The following KIRREL3 variants were observed in gnomAD, a reference collection of about 807,000 sequenced individuals.
KIRREL3 encodes kirre like nephrin family adhesion molecule 3, also known as kin of IRRE-like protein 3.
A neutral mutation model predicts 89.7 loss-of-function variants in KIRREL3; 36 were observed. That is an observed-to-expected ratio of 0.40 (90% CI 0.31 to 0.53). The LOEUF is 0.53. Among genes scored for constraint, KIRREL3 ranks in the 20% least tolerant of loss-of-function variants. The probability of loss-of-function intolerance (pLI) is 0.49; values close to 1 mark genes in which losing one functional copy is unlikely to be tolerated. For missense variants in KIRREL3, 864 were observed against 1,056.6 expected (o/e 0.82, Z 2.53); for synonymous variants, 445 against 441.4 (o/e 1.01, Z -0.10).
intron 1 of KIRREL3, among the ~76,000 whole-genome samples, chr11:126,957,543 C>T (rs774826855): frequency 2.6e-5 from 4 of 152,192 alleles, no homozygotes; most frequent in Non-Finnish European, 5.9e-5. Context: ...AGAATAGAGC[C>T]TCTAGCACTG....
intron 1 of KIRREL3, among the ~76,000 whole-genome samples, chr11:126,585,861 C>T (rs1330379193): frequency 6.6e-6 from 1 of 152,250 alleles, no homozygotes. Flanking sequence ...CTTAAAGCTC[C>T]CGCACGGAAC....
intron 4 of KIRREL3, among the ~76,000 whole-genome samples, chr11:126,482,788 C>T (rs1957257735): frequency 6.6e-6 from 1 of 152,226 alleles, no homozygotes; most frequent in Non-Finnish European, 1.5e-5. Flanking sequence ...TCCCCTCCCT[C>T]TGGGCCCCCC....
intron 1 of KIRREL3, among the ~76,000 whole-genome samples, chr11:126,945,373 G>A (rs1259192738): frequency 6.6e-6 from 1 of 152,176 alleles, no homozygotes; most frequent in Non-Finnish European, 1.5e-5. Flanking sequence ...ACTGGGGAGT[G>A]GTTTCCTAAG....
At position 126,515,364 on chromosome 11, in the gene KIRREL3, C is replaced by T. The variant is rs1257622170; in HGVS notation, c.433+5951G>A. Reference sequence around the variant, plus strand: ...ACTCGGGAGGCTGAGGTGGGAGGATCGCTTGAGCCAGGGAGGTCGAGGCTG... The same window carrying T: ...ACTCGGGAGGCTGAGGTGGGAGGATTGCTTGAGCCAGGGAGGTCGAGGCTG... On this transcript the variant is annotated intron_variant, in intron 4 of 16. Coordinates refer to ENST00000525144, the MANE Select transcript of KIRREL3 (RefSeq NM_032531.4). The surrounding 1 kb of genome is among the most constrained non-coding windows in gnomAD (Gnocchi z 4.2). Among the ~76,000 whole-genome samples the T allele has an allele frequency of 5.3e-5, 8 of 152,170 alleles. No individual in the cohort carries two copies. Among genetic ancestry groups the T allele is most frequent in the South Asian group, 2.1e-4 (1 of 4,822 alleles).
chr11:126,726,976 C>A (rs893093640), intron 1 of KIRREL3, among the ~76,000 whole-genome samples: 2 of 152,222 alleles, frequency 1.3e-5, no homozygotes, highest in Non-Finnish European at 2.9e-5. Flanking sequence ...TTTCTCTGAG[C>A]CGCCTTACCC....
In KIRREL3 at chr11:126,812,658, A is replaced by G. The variant is rs1231359455; in HGVS notation, c.55+187797T>C. Among the ~76,000 whole-genome samples the G allele has an allele frequency of 6.6e-6, 1 of 152,170 alleles. No homozygotes were observed. The highest frequency in any genetic ancestry group is 1.9e-4 in the East Asian group (1 of 5,196). On this transcript the variant is annotated intron_variant, in intron 1 of 16. Transcript: ENST00000525144. This position sits in a 1 kb window ranked among gnomAD's most constrained non-coding sequence, Gnocchi z 5.2. ...AACTAGATTTTCTTAGTCCGCCCTG[A>G]CTTTGGGCCTTTGTCCATACAGCAC...
chr11:126,915,064 G>C (rs1946983434), intron 1 of KIRREL3, among the ~76,000 whole-genome samples: 2 of 152,092 alleles, frequency 1.3e-5, no homozygotes, highest in Non-Finnish European at 1.5e-5. Context: ...AGAAGAGACT[G>C]TTATGAAAAA....
At position 126,999,249 on chromosome 11, in the gene KIRREL3, G is replaced by A. The variant is rs1269505319; in HGVS notation, c.55+1206C>T. ...AGGAGCCCCTTCGGTTTCATCAGGA[G>A]GACCAGAAGCAAAGTTTGAACTGCA... is the stretch of plus-strand genomic sequence containing the variant. On this transcript the variant is annotated intron_variant, in intron 1 of 16. Coordinates refer to ENST00000525144, the MANE Select transcript of KIRREL3 (RefSeq NM_032531.4). The surrounding 1 kb of genome is among the most constrained non-coding windows in gnomAD (Gnocchi z 5.7). 2.0e-5 allele frequency among the ~76,000 whole-genome samples: 3 copies of A among 152,088 alleles called. No individual in the cohort carries two copies. The highest frequency in any genetic ancestry group is 4.4e-5 in the Non-Finnish European group (3 of 68,012).
intron 1 of KIRREL3, chr11:126,992,625 G>A (rs1224296859): frequency 1.3e-5 from 2 of 152,186 alleles, no homozygotes; most frequent in Admixed American, 6.5e-5. Flanking sequence ...GAGTAGAATT[G>A]TTTCACTTGT....
intron 1 of KIRREL3, among the ~76,000 whole-genome samples, chr11:126,868,017 A>G (rs1944978673): frequency 1.6e-5 from 2 of 127,328 alleles, no homozygotes; most frequent in Admixed American, 1.0e-4. Flanking sequence ...CTCTCTTCCC[A>G]TTATGGAAAT....
intron 1 of KIRREL3, among the ~76,000 whole-genome samples, chr11:126,869,942 A>G (rs1945051510): frequency 1.3e-5 from 2 of 152,190 alleles, no homozygotes; most frequent in African/African-American, 2.4e-5. Context: ...GAACCTTGTA[A>G]TGGGTTCATT....
In KIRREL3 at chr11:126,681,054, G is replaced by A. The variant is rs113882038; in HGVS notation, c.56-118142C>T. On this transcript the variant is annotated intron_variant, in intron 1 of 16. Transcript: ENST00000525144. ...GTGTGCATTTTGGTAACTAACCTCC[G>A]TCATGATGTATGAGAGTTCATGTCA... 4.6e-5 allele frequency among the ~76,000 whole-genome samples: 7 copies of A among 152,248 alleles called. 1 individual carries two copies. The highest frequency in any genetic ancestry group is 2.0e-4 in the Admixed American group (3 of 15,294).
chr11:126,845,096 G>A (rs1217233146), intron 1 of KIRREL3, among the ~76,000 whole-genome samples: 1 of 152,200 alleles, frequency 6.6e-6, no homozygotes, highest in African/African-American at 2.4e-5. Flanking sequence ...GGGCCCAACT[G>A]GGGGCAAGTT....
intron 1 of KIRREL3, among the ~76,000 whole-genome samples, chr11:126,842,512 C>A (rs928439190): frequency 6.6e-6 from 1 of 152,194 alleles, no homozygotes; most frequent in Non-Finnish European, 1.5e-5. Context: ...GGTTCATCCT[C>A]TTCTTTTTCA....
At chr11:126,713,924 T>A (rs1315539363) in intron 1 of KIRREL3, among the ~76,000 whole-genome samples, 1 of 152,164 alleles carries the variant, frequency 6.6e-6, no homozygotes, top group African/African-American at 2.4e-5. Flanking sequence ...TCTGGCTAGA[T>A]AGGGCAGGTC....
In KIRREL3 at chr11:126,653,556, G is replaced by T. The variant is rs1027436692; in HGVS notation, c.56-90644C>A. 1.3e-5 allele frequency among the ~76,000 whole-genome samples: 2 copies of T among 152,182 alleles called. No individual in the cohort carries two copies. The highest frequency in any genetic ancestry group is 4.8e-5 in the African/African-American group (2 of 41,442). On this transcript the variant is annotated intron_variant, in intron 1 of 16. Coordinates refer to ENST00000525144, the MANE Select transcript of KIRREL3 (RefSeq NM_032531.4). This position sits in a 1 kb window ranked among gnomAD's most constrained non-coding sequence, Gnocchi z 5.4. ...ACACCAGATACGGAATGAGAAAAAA[G>T]CGGCACCGGAAGTGGCATTTTGCAA...
chr11:126,518,963 G>C (rs1399985783), intron 4 of KIRREL3, among the ~76,000 whole-genome samples: 1 of 152,240 alleles, frequency 6.6e-6, no homozygotes, highest in Non-Finnish European at 1.5e-5. Flanking sequence ...CAGGATGAAT[G>C]GTTTTGGTGG....
chr11:126,763,062 C>A lies in KIRREL3; in HGVS notation c.56-200150G>T, dbSNP rs1446935621. ...GCATAACTAGGTAGGTAGAGAGGGG[C>A]TATGCCCAGGAGTATTGCCCCAACT... On this transcript the variant is annotated intron_variant, in intron 1 of 16. Transcript: ENST00000525144. This position sits in a 1 kb window ranked among gnomAD's most constrained non-coding sequence, Gnocchi z 4.7. Among the ~76,000 whole-genome samples the A allele has an allele frequency of 2.0e-5, 3 of 152,268 alleles. No homozygotes were observed. Among genetic ancestry groups the A allele is most frequent in the Middle Eastern group, 6.8e-3 (2 of 294 alleles).
Position 126,898,954 on chromosome 11 carries a change from T to C in KIRREL3, c.55+101501A>G, listed in dbSNP as rs1202375788. Among the ~76,000 whole-genome samples, 3 of 151,802 alleles carry C rather than the reference T, an allele frequency of 2.0e-5. No individual in the cohort carries two copies. Among genetic ancestry groups the C allele is most frequent in the Non-Finnish European group, 2.9e-5 (2 of 68,008 alleles). ...TGTCCTCCAAACCTCCTTTATCCTC[T>C]TGAACAATCAGAGGGGGATGCTGTA... On this transcript the variant is annotated intron_variant, in intron 1 of 16. Coordinates refer to ENST00000525144, the MANE Select transcript of KIRREL3 (RefSeq NM_032531.4). This position sits in a 1 kb window ranked among gnomAD's most constrained non-coding sequence, Gnocchi z 4.9.
Sources: gnomAD v4.1 joint callset for allele counts (sites outside exome capture counted in the v4.1 genomes callset) on GRCh38, gnomAD v4.1.1 for gene constraint, Gnocchi (gnomAD v3.1) non-coding constraint, MANE v1.5 for transcripts, NCBI Gene and HGNC (gene_info 2026-07-23, HGNC 2026-07-21) for gene names.